The following UST variants were observed in gnomAD, a reference collection of about 807,000 sequenced individuals.
UST encodes the protein uronyl 2-sulfotransferase.
In UST, 21 loss-of-function variants were observed where a neutral mutation model predicts 45.6. The ratio of observed to expected loss-of-function variants is 0.46; its 90% CI spans 0.33 to 0.66. The LOEUF (loss-of-function observed/expected upper bound fraction) is 0.66, where lower values mean the gene tolerates loss of function less well. Among genes scored for constraint, UST ranks in the 30% least tolerant of loss-of-function variants. UST has a pLI of 0.02. For synonymous variants in UST, 215 were observed against 200.6 expected, an observed-to-expected ratio of 1.07 and a Z score of -0.61; for missense variants, 463 against 512.4, an observed-to-expected ratio of 0.90 and a Z score of 0.93.
At chr6:148,881,426 G>T (rs1056840765) in intron 1 of UST, among the ~76,000 whole-genome samples, 3 of 152,090 alleles carry the variant, frequency 2.0e-5, no homozygotes, top group African/African-American at 4.8e-5. Flanking sequence ...AAAGGTATAG[G>T]TTACTTTTCA....
At chr6:148,776,047 C>T (rs1375578310) in intron 1 of UST, among the ~76,000 whole-genome samples, 1 of 152,126 alleles carries the variant, frequency 6.6e-6, no homozygotes, top group African/African-American at 2.4e-5. Flanking sequence ...ATTACTTACA[C>T]TTTATTTTCT....
At chr6:148,880,183 G>A (rs1778798551) in intron 1 of UST, among the ~76,000 whole-genome samples, 1 of 152,092 alleles carries the variant, frequency 6.6e-6, no homozygotes, top group Admixed American at 6.5e-5. Flanking sequence ...TCAAACTCCT[G>A]ACCTCAGGTG....
At chr6:148,990,486 T>A in intron 5 of UST, 1 of 747,710 alleles carries the variant, frequency 1.3e-6, no homozygotes, top group Non-Finnish European at 1.6e-6. Flanking sequence ...GACACCAGTG[T>A]GTTTTCCTGG....
In UST at chr6:148,748,310, C is replaced by G. The variant is rs1719599035; in HGVS notation, c.247+633C>G. Among the ~76,000 whole-genome samples the G allele has an allele frequency of 6.6e-6, 1 of 152,032 alleles. No homozygotes were observed. Among genetic ancestry groups the G allele is most frequent in the South Asian group, 2.1e-4 (1 of 4,820 alleles). On this transcript the variant is annotated intron_variant, in intron 1 of 7. Coordinates refer to ENST00000367463, the MANE Select transcript of UST (RefSeq NM_005715.3). The surrounding 1 kb of genome is among the most constrained non-coding windows in gnomAD (Gnocchi z 5.3). ...TTGCATCCAGGGGTTTGGGGATGCC[C>G]GAGGGCGCTGGTCAGCCTGGCCAGC...
chr6:148,972,729 C>T (rs1234110632), intron 5 of UST, among the ~76,000 whole-genome samples: 2 of 152,260 alleles, frequency 1.3e-5, no homozygotes, highest in Non-Finnish European at 2.9e-5. Context: ...TGGCGCTCAG[C>T]GCTGCACCCC....
intron 2 of UST, among the ~76,000 whole-genome samples, chr6:148,899,307 G>T (rs1026417300): frequency 6.6e-6 from 1 of 152,044 alleles, no homozygotes; most frequent in African/African-American, 2.4e-5. Context: ...CACCATGTTA[G>T]CCAGAATGGT....
intron 1 of UST, among the ~76,000 whole-genome samples, chr6:148,754,189 G>A (rs1170068913): frequency 6.6e-6 from 1 of 151,918 alleles, no homozygotes; most frequent in African/African-American, 2.4e-5. Flanking sequence ...GTAGAGATGG[G>A]GTTTCACTGT....
intron 7 of UST, among the ~76,000 whole-genome samples, chr6:149,054,487 CT>C (rs1170420689): frequency 6.6e-6 from 1 of 152,154 alleles, no homozygotes; most frequent in African/African-American, 2.4e-5. Flanking sequence ...GTTCCAGATA[CT>C]GTGTGCATCT....
intron 2 of UST, among the ~76,000 whole-genome samples, chr6:148,922,130 T>C (rs1779719604): frequency 6.6e-6 from 1 of 152,198 alleles, no homozygotes; most frequent in African/African-American, 2.4e-5. Context: ...CCTTTTAAAG[T>C]GTACAATTCA....
intron 3 of UST, among the ~76,000 whole-genome samples, chr6:148,953,102 A>T (rs2500512): frequency 0.16 from 25,105 of 152,200 alleles, 2,613 homozygotes; most frequent in Non-Finnish European, 0.24. Context: ...TATTTTCCTT[A>T]TAAATTTCAT....
intron 1 of UST, among the ~76,000 whole-genome samples, chr6:148,875,472 C>T (rs898564632): frequency 6.6e-6 from 1 of 152,102 alleles, no homozygotes; most frequent in East Asian, 1.9e-4. Context: ...CCTCAGGATT[C>T]CTTTTGATTT....
chr6:149,048,726 A>G (rs1776430066), intron 7 of UST, among the ~76,000 whole-genome samples: 1 of 152,244 alleles, frequency 6.6e-6, no homozygotes, highest in African/African-American at 2.4e-5. Context: ...CAATGGAGAA[A>G]GAGAAATACA....
intron 1 of UST, among the ~76,000 whole-genome samples, chr6:148,755,963 C>T (rs560860682): frequency 6.9e-4 from 104 of 151,640 alleles, no homozygotes; most frequent in African/African-American, 2.4e-3. Flanking sequence ...CCCATTAACT[C>T]GTCATTTACA....
intron 5 of UST, among the ~76,000 whole-genome samples, chr6:149,007,115 C>CTTTT (rs35867213): frequency 5.2e-5 from 4 of 77,642 alleles, no homozygotes; most frequent in Non-Finnish European, 9.4e-5. Context: ...TCCAGGCAAG[C>CTTTT]TTTTTTTTTT....
intron 2 of UST, among the ~76,000 whole-genome samples, chr6:148,911,592 C>T (rs1246260892): frequency 1.3e-5 from 2 of 152,126 alleles, no homozygotes; most frequent in African/African-American, 4.8e-5. Context: ...CCACATCACT[C>T]TCCTCTCAAT....
chr6:148,866,940 C>T (rs564727736), intron 1 of UST, among the ~76,000 whole-genome samples: 11 of 151,966 alleles, frequency 7.2e-5, no homozygotes, highest in South Asian at 2.1e-4. Context: ...GATTCTGAAA[C>T]GGTCATGGCC....
intron 5 of UST, among the ~76,000 whole-genome samples, chr6:148,997,671 T>A (rs1781477987): frequency 6.6e-6 from 1 of 152,234 alleles, no homozygotes; most frequent in Non-Finnish European, 1.5e-5. Context: ...AATAGTCATT[T>A]ATTTTTTCTG....
intron 5 of UST, among the ~76,000 whole-genome samples, chr6:149,008,945 C>A (rs1327044832): frequency 6.6e-6 from 1 of 152,190 alleles, no homozygotes; most frequent in African/African-American, 2.4e-5. Flanking sequence ...CCTGACTCAT[C>A]ATTAAATATG....
chr6:148,928,109 C>T (rs1201300619), intron 2 of UST, among the ~76,000 whole-genome samples: 1 of 148,756 alleles, frequency 6.7e-6, no homozygotes, highest in Non-Finnish European at 1.5e-5. Flanking sequence ...CAAGCAAGTG[C>T]TCAACCCATC....
Sources: allele counts gnomAD v4.1 joint callset (sites outside exome capture counted in the v4.1 genomes callset), GRCh38; gene constraint gnomAD v4.1.1; non-coding constraint Gnocchi (gnomAD v3.1); transcripts MANE v1.5; gene names NCBI Gene and HGNC (gene_info 2026-07-23, HGNC 2026-07-21).